Variants in GRIA2 observed in about 807,000 individuals in gnomAD.
GRIA2 encodes the protein glutamate receptor 2.
GRIA2 carries 14 observed loss-of-function variants against 97.3 expected under a neutral mutation model. The ratio of observed to expected loss-of-function variants is 0.14; its 90% CI spans 0.10 to 0.23. GRIA2 has a LOEUF of 0.23. Ranked by LOEUF, GRIA2 falls within the 10% of genes least tolerant of loss-of-function variation. GRIA2 has a pLI of 1.00. For synonymous variants in GRIA2, 412 were observed against 387.8 expected (o/e 1.06, Z -0.73); for missense variants, 558 against 1,069.8 (o/e 0.52, Z 6.67).
At chr4:157,257,241 AC>A (rs1224618894) in intron 2 of GRIA2, among the ~76,000 whole-genome samples, 2 of 152,024 alleles carry the variant, frequency 1.3e-5, no homozygotes, top group Non-Finnish European at 2.9e-5. Context: ...AAGCCCTGTG[AC>A]TTTTTACTGT....
chr4:157,286,733 C>T (rs1385148400), intron 2 of GRIA2, among the ~76,000 whole-genome samples: 1 of 151,454 alleles, frequency 6.6e-6, no homozygotes, highest in Admixed American at 6.6e-5. Flanking sequence ...TTTCAGGAAA[C>T]AAATCAATAC....
chr4:157,280,981 A>G (rs558206523), intron 2 of GRIA2, among the ~76,000 whole-genome samples: 1 of 152,096 alleles, frequency 6.6e-6, no homozygotes, highest in African/African-American at 2.4e-5. Flanking sequence ...TAACAGTCTC[A>G]AAGTCCATGA....
At chr4:157,346,197 G>A (rs948913117) in intron 12 of GRIA2, among the ~76,000 whole-genome samples, 1 of 151,738 alleles carries the variant, frequency 6.6e-6, no homozygotes, top group Non-Finnish European at 1.5e-5. Context: ...ATATGAAAAC[G>A]TTCCTGAAAA....
At chr4:157,250,562 G>T (rs1022769184) in intron 2 of GRIA2, among the ~76,000 whole-genome samples, 8 of 152,004 alleles carry the variant, frequency 5.3e-5, no homozygotes, top group Admixed American at 4.6e-4. Flanking sequence ...CAGATTCAAA[G>T]ATATAAATGG....
At chr4:157,276,202 CA>C (rs1732304367) in intron 2 of GRIA2, among the ~76,000 whole-genome samples, 1 of 151,734 alleles carries the variant, frequency 6.6e-6, no homozygotes, top group South Asian at 2.1e-4. Flanking sequence ...TGTGATTCCA[CA>C]ATGGAATTAA....
At chr4:157,306,660 G>A (rs1733858527) in intron 3 of GRIA2, among the ~76,000 whole-genome samples, 1 of 152,108 alleles carries the variant, frequency 6.6e-6, no homozygotes, top group Non-Finnish European at 1.5e-5. Context: ...CATAATACTG[G>A]CAAAAGACTT....
intron 2 of GRIA2, among the ~76,000 whole-genome samples, chr4:157,245,684 C>T (rs1730701176): frequency 1.3e-5 from 2 of 152,048 alleles, no homozygotes; most frequent in Admixed American, 1.3e-4. Flanking sequence ...TTGGGGGATG[C>T]TTTCTAGAAA....
At chr4:157,240,822 T>C (rs1730474372) in intron 2 of GRIA2, among the ~76,000 whole-genome samples, 1 of 152,024 alleles carries the variant, frequency 6.6e-6, no homozygotes, top group Non-Finnish European at 1.5e-5. Flanking sequence ...ACTCGTCATC[T>C]AGCATTAGGT....
intron 12 of GRIA2, among the ~76,000 whole-genome samples, chr4:157,345,650 A>G (rs1423724516): frequency 6.6e-6 from 1 of 152,064 alleles, no homozygotes; most frequent in Non-Finnish European, 1.5e-5. Context: ...TCTTATCTAA[A>G]CCTATCATTG....
At chr4:157,310,209 T>C (rs1579352620) in intron 3 of GRIA2, among the ~76,000 whole-genome samples, 1 of 152,300 alleles carries the variant, frequency 6.6e-6, no homozygotes, top group East Asian at 1.9e-4. Flanking sequence ...CGATCTGTGA[T>C]GTGTTTTAAA....
intron 2 of GRIA2, among the ~76,000 whole-genome samples, chr4:157,237,800 C>T (rs1163485799): frequency 1.3e-5 from 2 of 152,026 alleles, no homozygotes; most frequent in East Asian, 1.9e-4. Flanking sequence ...TGAACATTAA[C>T]GGAGCCCAGA....
Position 157,276,601 on chromosome 4 carries a change from T to C in GRIA2, c.230-26951T>C, listed in dbSNP as rs546119397. 4.9e-4 allele frequency among the ~76,000 whole-genome samples: 74 copies of C among 152,008 alleles called. 1 individual carries two copies. In the South Asian group the frequency reaches 0.015, roughly 31 times the overall value. On this transcript the variant is annotated intron_variant, in intron 2 of 15. Coordinates refer to ENST00000264426, the MANE Select transcript of GRIA2 (RefSeq NM_001083619.3). The stretch of plus-strand genomic sequence containing the variant: ...AATCAATGAAACCAAAAGGTGTTTT[T>C]TTAATTTTTTAAAGATCAGTAATAT...
rs1735180778 is a variant in GRIA2 at position 157,334,110 on chromosome 4, C to G, written c.1256C>G (p.Thr419Ser). ...SGLENKTVVV[T>S]TILESPYVMM... ...CTTGAGAATAAGACTGTTGTTGTCA[C>G]CACAATTTTGGTAATTTGCTACATA... Residue 419 changes from threonine to serine, a missense_variant, in exon 9 of 16, where the codon ACC (threonine) becomes AGC (serine). Around this residue, in one of 8 missense-constraint regions of GRIA2, gnomAD observed 66 missense variants for 118.7 expected, o/e 0.56. Coordinates refer to ENST00000264426, the MANE Select transcript of GRIA2 (RefSeq NM_001083619.3). 1 of 1,579,502 alleles carries G rather than the reference C, an allele frequency of 6.3e-7. No homozygotes were observed.
rs374356507 is a variant in GRIA2, at chr4:157,283,017, A to C, written c.230-20535A>C. Among the ~76,000 whole-genome samples the C allele has an allele frequency of 4.6e-5, 7 of 152,168 alleles. 1 individual carries two copies. The highest frequency in any genetic ancestry group is 2.0e-4 in the Admixed American group (3 of 15,242). On this transcript the variant is annotated intron_variant, in intron 2 of 15. Coordinates refer to ENST00000264426, the MANE Select transcript of GRIA2 (RefSeq NM_001083619.3). ...TGGAAAAATCAGTGTTTTAAAACGG[A>C]TTTTATTTTTGAAATGTGAGGTTTT...
chr4:157,345,445 A>G (rs1305846380), intron 12 of GRIA2, among the ~76,000 whole-genome samples: 1 of 152,128 alleles, frequency 6.6e-6, no homozygotes, highest in Admixed American at 6.6e-5. Context: ...CCACTGTAGC[A>G]TACCTATAAT....
chr4:157,327,109 TAC>T (rs1244849074), intron 6 of GRIA2, among the ~76,000 whole-genome samples: 1 of 152,196 alleles, frequency 6.6e-6, no homozygotes, highest in Non-Finnish European at 1.5e-5. Context: ...ATAGGTAATA[TAC>T]TGATATAAAT....
At chr4:157,241,704 G>T (rs1352504158) in intron 2 of GRIA2, among the ~76,000 whole-genome samples, 1 of 151,964 alleles carries the variant, frequency 6.6e-6, no homozygotes, top group East Asian at 1.9e-4. Flanking sequence ...TGCCTTGAGT[G>T]GTTCTATCTA....
At chr4:157,266,799 G>C (rs1731790954) in intron 2 of GRIA2, among the ~76,000 whole-genome samples, 1 of 152,128 alleles carries the variant, frequency 6.6e-6, no homozygotes, top group Admixed American at 6.6e-5. Context: ...AGTTGCAGTG[G>C]CTCATGCCTG....
chr4:157,348,568 C>G (rs1217781402), intron 12 of GRIA2, among the ~76,000 whole-genome samples: 1 of 151,952 alleles, frequency 6.6e-6, no homozygotes, highest in Non-Finnish European at 1.5e-5. Context: ...ATAAAATGGA[C>G]ATTGGACAAA....
Sources: gnomAD v4.1 joint callset for allele counts (sites outside exome capture counted in the v4.1 genomes callset) on GRCh38, gnomAD v4.1.1 for gene constraint, gnomAD v4.1.1 regional missense constraint, MANE v1.5 for transcripts, NCBI Gene and HGNC (gene_info 2026-07-23, HGNC 2026-07-21) for gene names.